Variants in ARMC10 observed in about 807,000 individuals in gnomAD.
ARMC10 encodes armadillo repeat containing 10, also known as armadillo repeat-containing protein 10.
Under a neutral mutation model 30.2 loss-of-function variants are expected in ARMC10, and 23 were observed. That is an observed-to-expected ratio of 0.76 (90% CI 0.55 to 1.08). The LOEUF is 1.08. ARMC10 is among the 50% of genes least tolerant of loss of function. The pLI, the probability that ARMC10 is intolerant of heterozygous loss-of-function variation, is 0.00. For missense variants in ARMC10, 303 were observed against 413.7 expected, an observed-to-expected ratio of 0.73 and a Z score of 2.32; for synonymous variants, 111 against 164.4, an observed-to-expected ratio of 0.68 and a Z score of 2.48.
chr7:103,089,978 A>T (rs985919525), intron 4 of ARMC10, among the ~76,000 whole-genome samples: 2 of 152,222 alleles, frequency 1.3e-5, no homozygotes, highest in Non-Finnish European at 2.9e-5. Context: ...TTAAAGAAAA[A>T]TGTAAGTAAA....
chr7:103,098,214 A>G (rs796146839), intron 6 of ARMC10, 85 bp from the exon 7 acceptor site: 61 of 1,165,620 alleles, frequency 5.2e-5, no homozygotes, highest in African/African-American at 2.7e-4. Flanking sequence ...GAGTTATTCA[A>G]TGTAGTTTTA....
In ARMC10 at chr7:103,075,529, AG is replaced by A. The variant is rs967550619; in HGVS notation, c.139+119del. On this transcript the variant is annotated intron_variant, in intron 1 of 6. Coordinates refer to ENST00000323716, the MANE Select transcript of ARMC10 (RefSeq NM_031905.5). ...GAGGAGCCGAGCTAGAGGGAGAGGC[AG>A]TACTTGTGTGAGTGCAGGGTGCTGC... 2.7e-6 allele frequency: 3 copies of A among 1,111,056 alleles called. No individual in the cohort carries two copies. In the African/African-American group the frequency reaches 4.8e-5, roughly 18 times the overall value. The allele number at this position is 1,111,056 out of a possible 1,614,324, so 68.8% of individuals were successfully genotyped here.
chr7:103,098,642 T>G lies in ARMC10; in HGVS notation c.*89T>G. 1 of 1,494,236 alleles carries G rather than the reference T, an allele frequency of 6.7e-7. No individual in the cohort carries two copies. The highest frequency in any genetic ancestry group is 1.5e-5 in the South Asian group (1 of 68,598). The allele number at this position is 1,494,236 out of a possible 1,614,324, so 92.6% of individuals were successfully genotyped here. On this transcript the variant is annotated 3_prime_UTR_variant, in exon 7 of 7. Coordinates refer to ENST00000323716, the MANE Select transcript of ARMC10 (RefSeq NM_031905.5). ...AAGGGGATTCTCCCAGCTGCTAAAT[T>G]TAAACAGTAAATATCACATTTTGTC...
intron 3 of ARMC10, among the ~76,000 whole-genome samples, chr7:103,085,856 C>G (rs926375292): frequency 6.6e-6 from 1 of 152,092 alleles, no homozygotes; most frequent in African/African-American, 2.4e-5. Context: ...CTCAAGTGTT[C>G]CACTCATCTC....
rs773063738 is a variant in ARMC10, at chr7:103,083,774, A to G, written c.337A>G (p.Ile113Val). The G allele has an allele frequency of 1.2e-6, 2 of 1,614,206 alleles. No homozygotes were observed. Among genetic ancestry groups the G allele is most frequent in the East Asian group, 2.2e-5 (1 of 44,882 alleles). Residue 113 changes from isoleucine to valine, a missense_variant, in exon 3 of 7, where the codon ATT (isoleucine) becomes GTT (valine). Around this residue, in one of 4 missense-constraint regions of ARMC10, gnomAD observed 170 missense variants for 207.2 expected, o/e 0.82. Coordinates refer to ENST00000323716, the MANE Select transcript of ARMC10 (RefSeq NM_031905.5). ...GCTGGAGTCAACGGAGGATCCTGTA[A>G]TTATTGAAAGAGCTTTGATTACTTT... is the stretch of plus-strand genomic sequence containing the variant. ...YLLESTEDPV[I>V]IERALITLGN... is the part of the protein sequence containing the mutation.
chr7:103,090,665 T>C (rs550855152), intron 4 of ARMC10, among the ~76,000 whole-genome samples: 1 of 151,568 alleles, frequency 6.6e-6, no homozygotes, highest in East Asian at 1.9e-4. Context: ...GCTTGCAATT[T>C]TTTGTATTTT....
chr7:103,087,211 GTGTAC>G (rs1008689800), intron 4 of ARMC10, among the ~76,000 whole-genome samples: 2 of 152,202 alleles, frequency 1.3e-5, no homozygotes, highest in African/African-American at 4.8e-5. Context: ...TTGAAATTAA[GTGTAC>G]TGTATGAGTG....
intron 2 of ARMC10, among the ~76,000 whole-genome samples, chr7:103,077,688 A>C (rs1192960135): frequency 6.6e-6 from 1 of 152,204 alleles, no homozygotes; most frequent in African/African-American, 2.4e-5. Context: ...GAGACATTCA[A>C]ATCATAGCAT....
In ARMC10 at chr7:103,083,661, A is replaced by G. The variant is rs200729123; in HGVS notation, c.245-21A>G. 23 of 1,594,744 alleles carry G rather than the reference A, an allele frequency of 1.4e-5. No homozygotes were observed. In the East Asian group the frequency reaches 5.1e-4, roughly 36 times the overall value. ...TCGTATTGATTTTAGCTTAACTTCA[A>G]ATAACTTTCTTCTTATGCAGAAGAC... On this transcript the variant is annotated intron_variant, in intron 2 of 6. Transcript: ENST00000323716.
intron 2 of ARMC10, among the ~76,000 whole-genome samples, chr7:103,076,223 AC>A (rs765846144): frequency 6.6e-6 from 1 of 152,210 alleles, no homozygotes; most frequent in Non-Finnish European, 1.5e-5. Flanking sequence ...CATATTACAT[AC>A]GTGTTCTCAA....
At chr7:103,087,516 G>A (rs1247234208) in intron 4 of ARMC10, among the ~76,000 whole-genome samples, 3 of 152,168 alleles carry the variant, frequency 2.0e-5, no homozygotes, top group South Asian at 2.1e-4. Context: ...CCAGAACCCA[G>A]TGATACCCCT....
intron 2 of ARMC10, chr7:103,082,042 AC>A: frequency 2.7e-6 from 1 of 366,516 alleles, no homozygotes. Context: ...GTTTGGATGA[AC>A]CCCAAATTCT....
At chr7:103,089,163 G>A in intron 4 of ARMC10, 1 of 237,954 alleles carries the variant, frequency 4.2e-6, no homozygotes. Context: ...TGTTGCTACT[G>A]CAGCTCCTCC....
At chr7:103,075,520 G>C in intron 1 of ARMC10, 109 bp downstream of exon 1, 1 of 1,129,714 alleles carries the variant, frequency 8.9e-7, no homozygotes, top group Non-Finnish European at 1.1e-6. Context: ...CCGAGCTAGA[G>C]GGAGAGGCAG....
At chr7:103,078,030 C>T (rs532004631) in intron 2 of ARMC10, among the ~76,000 whole-genome samples, 29 of 152,250 alleles carry the variant, frequency 1.9e-4, no homozygotes, top group African/African-American at 6.7e-4. Flanking sequence ...GAGTCGCACT[C>T]TGTCTCCCAG....
At chr7:103,088,885 T>C (rs1343818965) in intron 4 of ARMC10, 1 of 153,694 alleles carries the variant, frequency 6.5e-6, no homozygotes, top group Non-Finnish European at 1.5e-5. Context: ...TAGTGTCCCA[T>C]GGGTTTATTT....
intron 2 of ARMC10, among the ~76,000 whole-genome samples, chr7:103,083,400 C>T (rs1256653302): frequency 6.6e-6 from 1 of 152,202 alleles, no homozygotes; most frequent in African/African-American, 2.4e-5. Context: ...AGGAGGACTG[C>T]TTGAGGTTAG....
intron 4 of ARMC10, among the ~76,000 whole-genome samples, chr7:103,088,198 T>G (rs1446508986): frequency 6.6e-6 from 1 of 152,174 alleles, no homozygotes; most frequent in African/African-American, 2.4e-5. Flanking sequence ...ACAAGACGTA[T>G]AGATCCAGAT....
rs1280071581 is a variant in ARMC10, at chr7:103,092,653, G to T, written c.705G>T (p.Lys235Asn). 6.4e-7 allele frequency: 1 copy of T among 1,560,216 alleles called. No individual in the cohort carries two copies. Among genetic ancestry groups the T allele is most frequent in the Non-Finnish European group, 8.8e-7 (1 of 1,138,736 alleles). Residue 235 changes from lysine to asparagine, a missense_variant and splice_region_variant, in exon 5 of 7, where the codon AAG (lysine) becomes AAT (asparagine). Around this residue, in one of 4 missense-constraint regions of ARMC10, gnomAD observed 170 missense variants for 207.2 expected, o/e 0.82. Transcript: ENST00000323716. ...TACTTACTGGAAATGGAAACACGAA[G>T]GTATGAAGAGCTATTGTGTCAAGCT... The part of the protein sequence containing the change: ...QVLLTGNGNT[K>N]VQVLKLLLNL...
Sources: allele counts gnomAD v4.1 joint callset (sites outside exome capture counted in the v4.1 genomes callset), GRCh38; gene constraint gnomAD v4.1.1; regional missense constraint gnomAD v4.1.1; transcripts MANE v1.5; gene names NCBI Gene and HGNC (gene_info 2026-07-23, HGNC 2026-07-21).